Variants in FRMD4A observed in about 807,000 individuals in gnomAD.
FRMD4A encodes the protein FERM domain containing 4A, also known as FERM domain-containing protein 4A.
Under a neutral mutation model 129.1 loss-of-function variants are expected in FRMD4A, and 29 were observed. That is an observed-to-expected ratio of 0.22 (90% CI 0.17 to 0.31). The LOEUF is 0.31. FRMD4A is among the 10% of genes least tolerant of loss of function. The probability of loss-of-function intolerance (pLI) is 1.00; values close to 1 mark genes in which losing one functional copy is unlikely to be tolerated. For synonymous variants in FRMD4A, 634 were observed against 571.6 expected (o/e 1.11, Z -1.56); for missense variants, 1,272 against 1,375.8 (o/e 0.92, Z 1.19).
intron 2 of FRMD4A, among the ~76,000 whole-genome samples, chr10:13,949,511 C>A (rs1013012905): frequency 6.6e-6 from 1 of 152,152 alleles, no homozygotes; most frequent in Non-Finnish European, 1.5e-5. Context: ...GTCTTAAAAA[C>A]TCACATCTAG....
intron 2 of FRMD4A, among the ~76,000 whole-genome samples, chr10:14,154,654 A>AT (rs1840509827): frequency 6.6e-6 from 1 of 152,270 alleles, no homozygotes; most frequent in South Asian, 2.1e-4. Context: ...TGATATTGAT[A>AT]TTTTTTGGCT....
chr10:14,065,248 A>G (rs756901365), intron 2 of FRMD4A, among the ~76,000 whole-genome samples: 3 of 152,076 alleles, frequency 2.0e-5, no homozygotes, highest in Non-Finnish European at 4.4e-5. Context: ...CAGTAGCACG[A>G]TCTCAGCTCA....
chr10:13,846,841 T>C (rs950334642), intron 3 of FRMD4A, among the ~76,000 whole-genome samples: 3 of 152,086 alleles, frequency 2.0e-5, no homozygotes, highest in African/African-American at 4.8e-5. Context: ...CCTGGAAGGA[T>C]GGATACTCTG....
intron 2 of FRMD4A, among the ~76,000 whole-genome samples, chr10:14,131,156 C>A (rs1167170183): frequency 6.6e-6 from 1 of 152,168 alleles, no homozygotes; most frequent in East Asian, 1.9e-4. Context: ...CCACACAAAT[C>A]CCCAAATTAT....
chr10:13,965,524 TA>T (rs1369848248), intron 2 of FRMD4A, among the ~76,000 whole-genome samples: 1 of 152,230 alleles, frequency 6.6e-6, no homozygotes, highest in Non-Finnish European at 1.5e-5. Flanking sequence ...ATGTTTTCTT[TA>T]TTGAAGGAAC....
chr10:13,946,898 C>G (rs12240404), intron 2 of FRMD4A, among the ~76,000 whole-genome samples: 1 of 151,978 alleles, frequency 6.6e-6, no homozygotes, highest in South Asian at 2.1e-4. Flanking sequence ...CCTCGGGGAG[C>G]TTATGGCACA....
chr10:14,121,687 G>C (rs980012847), intron 2 of FRMD4A, among the ~76,000 whole-genome samples: 1 of 152,168 alleles, frequency 6.6e-6, no homozygotes, highest in East Asian at 1.9e-4. Flanking sequence ...TTTACTGGTC[G>C]GGCCTGAAAA....
intron 2 of FRMD4A, among the ~76,000 whole-genome samples, chr10:14,173,323 G>A: frequency 6.6e-6 from 1 of 152,112 alleles, no homozygotes; most frequent in East Asian, 1.9e-4. Flanking sequence ...AGCGTCTCTT[G>A]AAAGTGAAAA....
At chr10:14,286,526 A>T (rs528223980) in intron 2 of FRMD4A, among the ~76,000 whole-genome samples, 1 of 152,328 alleles carries the variant, frequency 6.6e-6, no homozygotes, top group East Asian at 1.9e-4. Flanking sequence ...TGATAGAAAA[A>T]GAGCTACAAG....
chr10:13,991,684 G>A (rs1588694908), intron 2 of FRMD4A: 1 of 152,754 alleles, frequency 6.5e-6, no homozygotes, highest in Non-Finnish European at 1.5e-5. Flanking sequence ...GCCAAGAGAA[G>A]GGAAGTAGCA....
chr10:13,739,048 T>C (rs2090831948), intron 11 of FRMD4A, among the ~76,000 whole-genome samples: 1 of 152,232 alleles, frequency 6.6e-6, no homozygotes, highest in Non-Finnish European at 1.5e-5. Flanking sequence ...ATCAAGCAGC[T>C]TTTCCCTAAT....
intron 2 of FRMD4A, among the ~76,000 whole-genome samples, chr10:14,156,688 G>C (rs1321375178): frequency 1.3e-5 from 2 of 152,140 alleles, no homozygotes; most frequent in Non-Finnish European, 2.9e-5. Context: ...ACTAAGTCAT[G>C]ATTTTAGCAA....
chr10:13,835,065 A>G (rs2093851711), intron 3 of FRMD4A, among the ~76,000 whole-genome samples: 1 of 152,232 alleles, frequency 6.6e-6, no homozygotes, highest in African/African-American at 2.4e-5. Flanking sequence ...ATTAGGATGC[A>G]TAGAAAGAAA....
At chr10:14,166,737 T>C (rs578001215) in intron 2 of FRMD4A, among the ~76,000 whole-genome samples, 2 of 152,348 alleles carry the variant, frequency 1.3e-5, no homozygotes. Context: ...CCATTACTTG[T>C]CCCCAAATAT....
At chr10:14,186,243 C>G (rs539791422) in intron 2 of FRMD4A, among the ~76,000 whole-genome samples, 1 of 152,216 alleles carries the variant, frequency 6.6e-6, no homozygotes, top group East Asian at 1.9e-4. Context: ...TATGACCAAC[C>G]AGAGCCTGTA....
At chr10:14,018,788 C>T (rs1195434691) in intron 2 of FRMD4A, among the ~76,000 whole-genome samples, 3 of 152,018 alleles carry the variant, frequency 2.0e-5, no homozygotes, top group Non-Finnish European at 4.4e-5. Flanking sequence ...TCCTATTAGT[C>T]AAAATAAATG....
intron 15 of FRMD4A, chr10:13,692,646 C>T (rs916002736): frequency 6.7e-6 from 1 of 149,614 alleles, no homozygotes; most frequent in Non-Finnish European, 1.5e-5. Flanking sequence ...TCTCTCTGGT[C>T]CTTTAAATTT....
chr10:14,313,298 G>A (rs1846623853), intron 2 of FRMD4A, among the ~76,000 whole-genome samples: 1 of 152,146 alleles, frequency 6.6e-6, no homozygotes, highest in Admixed American at 6.5e-5. Context: ...AGGATGTTGA[G>A]GCTGCAGTGA....
At chr10:13,951,206 C>T (rs1214402442) in intron 2 of FRMD4A, among the ~76,000 whole-genome samples, 1 of 151,886 alleles carries the variant, frequency 6.6e-6, no homozygotes, top group Non-Finnish European at 1.5e-5. Flanking sequence ...GGTGATCCTT[C>T]GGGGAAGGAG....
Sources: gnomAD v4.1 joint callset for allele counts (sites outside exome capture counted in the v4.1 genomes callset) on GRCh38, gnomAD v4.1.1 for gene constraint, MANE v1.5 for transcripts, NCBI Gene and HGNC (gene_info 2026-07-23, HGNC 2026-07-21) for gene names.